DENND2B: variants seen among roughly 807,000 people sequenced by gnomAD.
DENND2B encodes the protein DENN domain-containing protein 2B.
A neutral mutation model predicts 116.0 loss-of-function variants in DENND2B; 32 were observed. The observed-to-expected ratio is 0.28, with a 90% confidence interval of 0.21 to 0.37. DENND2B has a LOEUF of 0.37. DENND2B is among the 10% of genes least tolerant of loss of function. The pLI is 1.00. For synonymous variants in DENND2B, 588 were observed against 583.9 expected (o/e 1.01, Z -0.10); for missense variants, 1,276 against 1,477.7 (o/e 0.86, Z 2.24).
At chr11:8,752,675 G>A (rs114763016) in intron 1 of DENND2B, among the ~76,000 whole-genome samples, 2,971 of 152,172 alleles carry the variant, frequency 0.02, 104 homozygotes, top group African/African-American at 0.067. Context: ...AGTAAAAAAT[G>A]TCTGTTCATG....
At chr11:8,887,193 G>A (rs2063970906) in intron 1 of DENND2B, among the ~76,000 whole-genome samples, 1 of 152,132 alleles carries the variant, frequency 6.6e-6, no homozygotes, top group South Asian at 2.1e-4. Context: ...TGGCATTATA[G>A]AATGATAAAG....
upstream of DENND2B, among the ~76,000 whole-genome samples, chr11:8,872,499 A>AAAG (rs2063798562): frequency 6.6e-6 from 1 of 151,836 alleles, no homozygotes; most frequent in South Asian, 2.1e-4. Context: ...AAAAAAAAAA[A>AAAG]AAAGAAAAAA....
At chr11:8,862,449 C>A (rs2063429345) in intron 2 of DENND2B, among the ~76,000 whole-genome samples, 1 of 149,896 alleles carries the variant, frequency 6.7e-6, no homozygotes, top group South Asian at 2.1e-4. Flanking sequence ...ATCCTCCCAT[C>A]TCAGCCTCCT....
At position 8,715,788 on chromosome 11, in the gene DENND2B, G is replaced by A. The variant is rs763802071; in HGVS notation, c.1660C>T (p.Arg554Cys). 1.1e-5 allele frequency: 18 copies of A among 1,607,578 alleles called. No individual in the cohort carries two copies. Among genetic ancestry groups the A allele is most frequent in the South Asian group, 5.5e-5 (5 of 90,830 alleles). ...LSLKPNSQSLRSGNWSERKSH... is the reference protein window; with the variant it reads ...LSLKPNSQSLCSGNWSERKSH... ...TTCCTTTCTGACCAGTTCCCACTGCGCAGGGACTGGCTGTTGGGTTTCAGG... is the reference window on the plus strand; with the variant it reads ...TTCCTTTCTGACCAGTTCCCACTGCACAGGGACTGGCTGTTGGGTTTCAGG... The change falls in exon 6 of 20, where the codon CGC becomes TGC. Residue 554 changes from arginine to cysteine, a missense_variant. Arg to Cys is a radical substitution (Grantham distance 180). Around this residue, in one of 2 missense-constraint regions of DENND2B, gnomAD observed 856 missense variants for 846.6 expected, o/e 1.01. Coordinates refer to ENST00000313726, the MANE Select transcript of DENND2B (RefSeq NM_213618.2).
chr11:8,802,644 G>T (rs935909184), intron 1 of DENND2B, among the ~76,000 whole-genome samples: 2 of 152,134 alleles, frequency 1.3e-5, no homozygotes, highest in Non-Finnish European at 2.9e-5. Flanking sequence ...GGCACTAACT[G>T]GCTCACCCTA....
At chr11:8,877,260 T>C (rs1040870170) in intron 2 of DENND2B, among the ~76,000 whole-genome samples, 6 of 151,996 alleles carry the variant, frequency 3.9e-5, no homozygotes, top group South Asian at 2.1e-4. Flanking sequence ...CCCACCACCA[T>C]GCCCAGCTAA....
chr11:8,771,484 A>C (rs2056838092), intron 1 of DENND2B, among the ~76,000 whole-genome samples: 1 of 151,316 alleles, frequency 6.6e-6, no homozygotes, highest in Non-Finnish European at 1.5e-5. Context: ...ATATATAGAT[A>C]TCTCTCTACA....
At chr11:8,860,817 A>G (rs143289499) in intron 2 of DENND2B, among the ~76,000 whole-genome samples, 1 of 152,318 alleles carries the variant, frequency 6.6e-6, no homozygotes, top group East Asian at 1.9e-4. Flanking sequence ...CAAAACAGCA[A>G]TGGTACTGGT....
chr11:8,747,798 C>T (rs2051548555), intron 2 of DENND2B, among the ~76,000 whole-genome samples: 1 of 152,156 alleles, frequency 6.6e-6, no homozygotes, highest in Non-Finnish European at 1.5e-5. Flanking sequence ...TAGATTTTCC[C>T]CTCCTACACA....
At chr11:8,795,184 G>A (rs896476220) in intron 1 of DENND2B, among the ~76,000 whole-genome samples, 9 of 152,328 alleles carry the variant, frequency 5.9e-5, no homozygotes, top group Non-Finnish European at 7.4e-5. Context: ...GAAGTGATAC[G>A]GATTTGGTGA....
intron 1 of DENND2B, among the ~76,000 whole-genome samples, chr11:8,889,908 A>G (rs1217966982): frequency 2.6e-5 from 4 of 152,200 alleles, no homozygotes. Context: ...TTCTCCAAGC[A>G]CGGAATTTGA....
chr11:8,893,164 A>G (rs1038043963), intron 1 of DENND2B, among the ~76,000 whole-genome samples: 1 of 152,364 alleles, frequency 6.6e-6, no homozygotes, highest in Admixed American at 6.5e-5. Flanking sequence ...CTATCTCAAT[A>G]GATGCAGAAA....
chr11:8,882,545 A>G (rs2063914173), intron 1 of DENND2B, among the ~76,000 whole-genome samples: 1 of 152,262 alleles, frequency 6.6e-6, no homozygotes, highest in Non-Finnish European at 1.5e-5. Context: ...ATAGCTGTTG[A>G]ATTACAATAA....
intron 14 of DENND2B, among the ~76,000 whole-genome samples, chr11:8,701,266 C>T (rs1592365944): frequency 6.7e-6 from 1 of 149,984 alleles, no homozygotes; most frequent in Admixed American, 6.7e-5. Flanking sequence ...CATGGCTGCC[C>T]CGCATATTCC....
chr11:8,729,945 A>G lies in DENND2B; in HGVS notation c.1340+5T>C. On this transcript the variant is annotated splice_donor_5th_base_variant and intron_variant, in intron 3 of 19. Coordinates refer to ENST00000313726, the MANE Select transcript of DENND2B (RefSeq NM_213618.2). ...GCTACAACACACCGGAGGGGCATGC[A>G]TTACCTGCTCTGGGACTTGCGGTGA... is the stretch of plus-strand genomic sequence containing the variant. 6.2e-7 allele frequency: 1 copy of G among 1,613,736 alleles called. No individual in the cohort carries two copies. The highest frequency in any genetic ancestry group is 1.7e-5 in the Admixed American group (1 of 60,008).
At chr11:8,697,664 A>G in intron 16 of DENND2B, 28 bp from the exon 17 acceptor site, 1 of 1,486,764 alleles carries the variant, frequency 6.7e-7, no homozygotes, top group African/African-American at 1.4e-5. Context: ...CACAGTGACA[A>G]TCATAGCTGA....
At chr11:8,805,973 C>T (rs2060801492) in intron 1 of DENND2B, among the ~76,000 whole-genome samples, 1 of 152,146 alleles carries the variant, frequency 6.6e-6, no homozygotes, top group African/African-American at 2.4e-5. Context: ...CACCCCTACC[C>T]CCTCCAGTGC....
At chr11:8,718,049 TG>T in intron 4 of DENND2B, 157 bp from the exon 5 acceptor site, 1 of 719,984 alleles carries the variant, frequency 1.4e-6, no homozygotes, top group Non-Finnish European at 2.2e-6. Flanking sequence ...CCGTCTGCAG[TG>T]GGGAGGCTAC....
At chr11:8,721,666 C>A (rs2046216052) in intron 4 of DENND2B, among the ~76,000 whole-genome samples, 1 of 152,254 alleles carries the variant, frequency 6.6e-6, no homozygotes, top group South Asian at 2.1e-4. Context: ...AGCCTTGACA[C>A]CATTTCTCGA....
Sources: gnomAD v4.1 joint callset for allele counts (sites outside exome capture counted in the v4.1 genomes callset) on GRCh38, gnomAD v4.1.1 for gene constraint, gnomAD v4.1.1 regional missense constraint, MANE v1.5 for transcripts, NCBI Gene and HGNC (gene_info 2026-07-23, HGNC 2026-07-21) for gene names.